The following ADAD1 variants were observed in gnomAD, a reference collection of about 807,000 sequenced individuals.
ADAD1 encodes adenosine deaminase domain-containing protein 1.
A neutral mutation model predicts 66.8 loss-of-function variants in ADAD1; 46 were observed. The ratio of observed to expected loss-of-function variants is 0.69; its 90% CI spans 0.54 to 0.88. ADAD1 has a LOEUF of 0.88. ADAD1 is among the 40% of genes least tolerant of loss of function. ADAD1 has a pLI of 0.00. For synonymous variants in ADAD1, 248 were observed against 229.4 expected, an observed-to-expected ratio of 1.08 and a Z score of -0.73; for missense variants, 617 against 681.8, an observed-to-expected ratio of 0.91 and a Z score of 1.06.
At chr4:122,388,715 T>A (rs1483610964) in intron 5 of ADAD1, among the ~76,000 whole-genome samples, 4 of 152,226 alleles carry the variant, frequency 2.6e-5, no homozygotes, top group Admixed American at 2.0e-4. Context: ...AGTGGTGATA[T>A]CCCCTTTATC....
chr4:122,399,982 A>C (rs1795897170), intron 7 of ADAD1, among the ~76,000 whole-genome samples: 1 of 151,814 alleles, frequency 6.6e-6, no homozygotes, highest in African/African-American at 2.4e-5. Context: ...ACTGATGTGG[A>C]CGTTCTTTAT....
At chr4:122,382,933 T>G (rs1794973599) in intron 4 of ADAD1, among the ~76,000 whole-genome samples, 1 of 152,158 alleles carries the variant, frequency 6.6e-6, no homozygotes, top group South Asian at 2.1e-4. Context: ...TAATGTAATA[T>G]AATTGTGAGT....
intron 11 of ADAD1, among the ~76,000 whole-genome samples, chr4:122,418,182 T>A (rs948283865): frequency 6.6e-6 from 1 of 151,866 alleles, no homozygotes; most frequent in Admixed American, 6.6e-5. Context: ...ATTAAGAGGA[T>A]CATAAGCTAT....
At chr4:122,401,755 G>C (rs541495941) in intron 7 of ADAD1, among the ~76,000 whole-genome samples, 3 of 152,104 alleles carry the variant, frequency 2.0e-5, no homozygotes, top group South Asian at 2.1e-4. Flanking sequence ...ATGTCCCTCT[G>C]TGTCTTTTTT....
chr4:122,388,054 C>T (rs777974217), intron 5 of ADAD1, among the ~76,000 whole-genome samples: 33 of 151,988 alleles, frequency 2.2e-4, no homozygotes, highest in African/African-American at 3.1e-4. Context: ...CCACTGCGCC[C>T]GGCTGAGAGT....
Position 122,415,552 on chromosome 4 carries a change from A to C in ADAD1, c.1423A>C (p.Asn475His). The change falls in exon 11 of 13, where the codon AAT becomes CAT. Residue 475 changes from asparagine (N) to histidine (H), a missense_variant. Physicochemically the swap from Asn to His is moderately conservative, Grantham distance 68. Transcript: ENST00000296513. ...MNLEYKFLSL[N>H]WAQGDVSLEI... ...CTTGGAATATAAATTTCTGAGTCTG[A>C]ATTGGGCACAAGGAGATGTTTCTTT... is the stretch of plus-strand genomic sequence containing the variant. The C allele has an allele frequency of 6.2e-7, 1 of 1,613,934 alleles. No homozygotes were observed. The highest frequency in any genetic ancestry group is 8.5e-7 in the Non-Finnish European group (1 of 1,179,874).
rs774503614 is a variant in ADAD1, at chr4:122,412,790, C to T, written c.1230C>T (p.Tyr410=). ...ALLSHFIQPV[Y]ISSILIGDGN... is the part of the protein sequence containing the mutation. ...TGAGTCATTTTATACAGCCAGTTTA[C>T]ATCAGCAGTATACTTATTGGTGAGT... is the stretch of plus-strand genomic sequence containing the variant. The change falls in exon 10 of 13, where the codon TAC becomes TAT. Residue 410 remains tyrosine, a synonymous_variant. Coordinates refer to ENST00000296513, the MANE Select transcript of ADAD1 (RefSeq NM_139243.4). 3 of 1,613,740 alleles carry T rather than the reference C, an allele frequency of 1.9e-6. No individual in the cohort carries two copies. Among genetic ancestry groups the T allele is most frequent in the Non-Finnish European group, 2.5e-6 (3 of 1,179,688 alleles).
intron 5 of ADAD1, among the ~76,000 whole-genome samples, chr4:122,391,159 C>A (rs1795416385): frequency 6.6e-6 from 1 of 152,042 alleles, no homozygotes; most frequent in African/African-American, 2.4e-5. Flanking sequence ...TCACTTCAGG[C>A]CCTATTTATC....
intron 9 of ADAD1, among the ~76,000 whole-genome samples, chr4:122,411,855 AT>A (rs1796481547): frequency 1.3e-5 from 2 of 152,300 alleles, no homozygotes; most frequent in East Asian, 3.9e-4. Context: ...TTGCTATGCT[AT>A]GCTTTAAAAA....
chr4:122,406,174 A>G (rs531755677), intron 7 of ADAD1, among the ~76,000 whole-genome samples: 1 of 152,304 alleles, frequency 6.6e-6, no homozygotes, highest in South Asian at 2.1e-4. Flanking sequence ...CAATGCCTAT[A>G]AAAATTTACA....
At chr4:122,407,493 A>T (rs529974213) in intron 7 of ADAD1, among the ~76,000 whole-genome samples, 1 of 152,212 alleles carries the variant, frequency 6.6e-6, no homozygotes, top group Non-Finnish European at 1.5e-5. Context: ...AATTTGATTT[A>T]TAGGGTTTGA....
chr4:122,424,878 G>GA (rs1647261002), intron 12 of ADAD1, among the ~76,000 whole-genome samples: 1 of 151,942 alleles, frequency 6.6e-6, no homozygotes, highest in Admixed American at 6.6e-5. Flanking sequence ...TTATAAGGAT[G>GA]AAAAAAGACC....
chr4:122,421,702 T>C (rs1481856446), intron 12 of ADAD1, among the ~76,000 whole-genome samples: 1 of 152,098 alleles, frequency 6.6e-6, no homozygotes, highest in African/African-American at 2.4e-5. Flanking sequence ...TATATGGTAT[T>C]AATTGTACTA....
chr4:122,390,040 C>A (rs1795360298), intron 5 of ADAD1, among the ~76,000 whole-genome samples: 1 of 152,158 alleles, frequency 6.6e-6, no homozygotes, highest in Admixed American at 6.6e-5. Flanking sequence ...GGAGTTCTTG[C>A]AGGGCACATC....
In ADAD1 at chr4:122,415,416, C is replaced by A. The variant is rs113747548; in HGVS notation, c.1287C>A (p.Ile429=). The change falls in exon 11 of 13, where the codon ATC becomes ATA. Residue 429 remains isoleucine (I), a synonymous_variant. Transcript: ENST00000296513. ...GNCSDTRGLE[I]AIKQRVDDAL... ...GCAGTGATACCAGAGGCTTAGAAAT[C>A]GCTATAAAGCAACGTGTTGATGATG... 3 of 1,613,516 alleles carry A rather than the reference C, an allele frequency of 1.9e-6. No homozygotes were observed. The highest frequency in any genetic ancestry group is 1.3e-5 in the African/African-American group (1 of 74,890).
intron 12 of ADAD1, among the ~76,000 whole-genome samples, chr4:122,423,794 A>G (rs915394432): frequency 1.3e-5 from 2 of 152,212 alleles, no homozygotes; most frequent in African/African-American, 2.4e-5. Context: ...TTTATATGAA[A>G]TGTCTATTAT....
At chr4:122,384,085 G>C in intron 5 of ADAD1, 119 bp downstream of exon 5, 1 of 969,206 alleles carries the variant, frequency 1.0e-6, no homozygotes, top group Non-Finnish European at 1.5e-6. Context: ...TGCAGGATTT[G>C]AATAATTTAT....
chr4:122,394,821 T>C (rs559209397), intron 6 of ADAD1, among the ~76,000 whole-genome samples: 1 of 152,304 alleles, frequency 6.6e-6, no homozygotes, highest in South Asian at 2.1e-4. Flanking sequence ...GGTGATAATC[T>C]GTGAGAAAGA....
At chr4:122,400,570 G>A (rs1795927187) in intron 7 of ADAD1, among the ~76,000 whole-genome samples, 1 of 152,072 alleles carries the variant, frequency 6.6e-6, no homozygotes, top group South Asian at 2.1e-4. Flanking sequence ...AATAGTTTCA[G>A]TAAGATTGGT....
Sources: allele counts gnomAD v4.1 joint callset (sites outside exome capture counted in the v4.1 genomes callset), GRCh38; gene constraint gnomAD v4.1.1; transcripts MANE v1.5; gene names NCBI Gene and HGNC (gene_info 2026-07-23, HGNC 2026-07-21).